Variants in ABTB3 observed in about 807,000 individuals in gnomAD.
ABTB3 encodes the protein ankyrin repeat- and BTB/POZ domain-containing protein 3.
the ABTB3 span, among the ~76,000 whole-genome samples, chr12:107,545,268 T>G: frequency 6.6e-6 from 1 of 152,120 alleles, no homozygotes; most frequent in Non-Finnish European, 1.5e-5. Context: ...AGACAGGATC[T>G]CACTCTGTCA....
chr12:107,423,969 A>G, the ABTB3 span, among the ~76,000 whole-genome samples: 3 of 152,156 alleles, frequency 2.0e-5, no homozygotes, highest in Non-Finnish European at 2.9e-5. Context: ...TAGTCTTGTC[A>G]GTTAAGAAGA....
At chr12:107,571,259 G>A in the ABTB3 span, among the ~76,000 whole-genome samples, 2 of 152,186 alleles carry the variant, frequency 1.3e-5, no homozygotes, top group Admixed American at 6.5e-5. Context: ...TTTCACATAT[G>A]AGGAAACTGA....
At chr12:107,478,518 CTAAT>C in the ABTB3 span, among the ~76,000 whole-genome samples, 1 of 152,138 alleles carries the variant, frequency 6.6e-6, no homozygotes, top group African/African-American at 2.4e-5. Flanking sequence ...AAATTAATAA[CTAAT>C]TAAAGAAAAG....
At chr12:107,585,701 C>T in the ABTB3 span, among the ~76,000 whole-genome samples, 2 of 152,166 alleles carry the variant, frequency 1.3e-5, no homozygotes, top group African/African-American at 4.8e-5. Flanking sequence ...GTGGGCCAAA[C>T]TGGATTATAG....
the ABTB3 span, among the ~76,000 whole-genome samples, chr12:107,501,714 G>T: frequency 6.6e-6 from 1 of 151,834 alleles, no homozygotes; most frequent in African/African-American, 2.4e-5. Context: ...ACAAAAAAAA[G>T]AAAGACAGCC....
At chr12:107,474,290 G>A in the ABTB3 span, among the ~76,000 whole-genome samples, 584 of 152,148 alleles carry the variant, frequency 3.8e-3, 8 homozygotes, top group Middle Eastern at 0.017. Flanking sequence ...CCCTGTGCAG[G>A]GCTCCCAGCT....
chr12:107,617,201 C>T, the ABTB3 span: 4 of 1,613,868 alleles, frequency 2.5e-6, no homozygotes, highest in Admixed American at 5.0e-5. Flanking sequence ...TGCTGGTTCT[C>T]ACCCTGGCCA....
At chr12:107,488,362 T>A in the ABTB3 span, among the ~76,000 whole-genome samples, 1 of 152,174 alleles carries the variant, frequency 6.6e-6, no homozygotes, top group Non-Finnish European at 1.5e-5. Context: ...ATATGAATTA[T>A]ATCTCAGTAA....
chr12:107,513,102 C>G, the ABTB3 span, among the ~76,000 whole-genome samples: 2 of 152,194 alleles, frequency 1.3e-5, no homozygotes, highest in East Asian at 3.9e-4. Context: ...TAAAATAAAT[C>G]TGAATTTAAA....
chr12:107,418,358 A>G, the ABTB3 span, among the ~76,000 whole-genome samples: 52 of 152,220 alleles, frequency 3.4e-4, no homozygotes, highest in African/African-American at 1.2e-3. Flanking sequence ...CTTATTGTGG[A>G]ACCTTGTGAT....
At chr12:107,353,221 G>A in the ABTB3 span, among the ~76,000 whole-genome samples, 1 of 152,204 alleles carries the variant, frequency 6.6e-6, no homozygotes, top group Non-Finnish European at 1.5e-5. Flanking sequence ...CATGTAGGGA[G>A]TACCCACTAA....
chr12:107,498,026 G>A, the ABTB3 span, among the ~76,000 whole-genome samples: 1 of 152,210 alleles, frequency 6.6e-6, no homozygotes, highest in African/African-American at 2.4e-5. Flanking sequence ...AAGGTGGTGA[G>A]GCACCCTGGG....
the ABTB3 span, among the ~76,000 whole-genome samples, chr12:107,460,476 G>A: frequency 6.6e-5 from 10 of 152,256 alleles, no homozygotes; most frequent in East Asian, 3.9e-4. Context: ...GCAACATGAC[G>A]AAACCACGCC....
chr12:107,469,939 T>TC, the ABTB3 span, among the ~76,000 whole-genome samples: 51 of 94,158 alleles, frequency 5.4e-4, 1 homozygote, highest in East Asian at 4.6e-3. Context: ...TCTCTCTTTC[T>TC]TTCTCTTTCT....
At chr12:107,580,494 G>T in the ABTB3 span, among the ~76,000 whole-genome samples, 1 of 152,224 alleles carries the variant, frequency 6.6e-6, no homozygotes, top group Non-Finnish European at 1.5e-5. Flanking sequence ...GTGTGACCAA[G>T]GTCCAAAGGG....
chr12:107,376,564 A>G, the ABTB3 span, among the ~76,000 whole-genome samples: 6 of 152,128 alleles, frequency 3.9e-5, no homozygotes, highest in East Asian at 3.9e-4. Context: ...CCAGCGGAAC[A>G]GATTCTCAGG....
the ABTB3 span, among the ~76,000 whole-genome samples, chr12:107,360,998 C>T: frequency 1.5e-5 from 2 of 131,346 alleles, no homozygotes; most frequent in African/African-American, 6.0e-5. Context: ...TGTCAAACCC[C>T]TGGGCTCAAA....
chr12:107,519,242 G>A, the ABTB3 span, among the ~76,000 whole-genome samples: 5 of 152,160 alleles, frequency 3.3e-5, no homozygotes, highest in East Asian at 7.7e-4. Context: ...GTCAGGGCAT[G>A]TTTTTCTTTT....
the ABTB3 span, among the ~76,000 whole-genome samples, chr12:107,383,972 C>T: frequency 2.0e-5 from 3 of 152,146 alleles, no homozygotes; most frequent in African/African-American, 7.2e-5. Flanking sequence ...CTCCAAGCGC[C>T]CAGGTGTGCA....
Sources: gnomAD v4.1 joint callset for allele counts (sites outside exome capture counted in the v4.1 genomes callset) on GRCh38, gnomAD v4.1.1 for gene constraint, MANE v1.5 for transcripts, NCBI Gene and HGNC (gene_info 2026-07-23, HGNC 2026-07-21) for gene names.